Variants in SYN2 observed in about 807,000 individuals in gnomAD.
SYN2 encodes synapsin-2.
A neutral mutation model predicts 50.9 loss-of-function variants in SYN2; 19 were observed. That is an observed-to-expected ratio of 0.37 (90% CI 0.26 to 0.55). SYN2 has a LOEUF of 0.55. Among genes scored for constraint, SYN2 ranks in the 20% least tolerant of loss-of-function variants. The pLI, the probability that SYN2 is intolerant of heterozygous loss-of-function variation, is 0.81. For missense variants in SYN2, 587 were observed against 576.4 expected (o/e 1.02, Z -0.19); for synonymous variants, 255 against 224.9 (o/e 1.13, Z -1.20).
chr3:12,156,399 A>G (rs957749022), intron 5 of SYN2, among the ~76,000 whole-genome samples: 11 of 152,230 alleles, frequency 7.2e-5, no homozygotes, highest in African/African-American at 2.7e-4. Context: ...CCTGGGCCCA[A>G]GTTCACAGAG....
At chr3:12,144,495 G>A (rs1169054007) in intron 3 of SYN2, among the ~76,000 whole-genome samples, 1 of 152,176 alleles carries the variant, frequency 6.6e-6, no homozygotes, top group African/African-American at 2.4e-5. Flanking sequence ...AGTACTGTCT[G>A]TTGTCTTCAG....
At chr3:12,166,793 T>C (rs1697809433) in intron 7 of SYN2, among the ~76,000 whole-genome samples, 1 of 152,238 alleles carries the variant, frequency 6.6e-6, no homozygotes, top group Non-Finnish European at 1.5e-5. Context: ...CAAGTCAGTA[T>C]AGATACTGAA....
In SYN2 at chr3:12,004,754, C is replaced by T. The variant is rs1386795936; in HGVS notation, c.203C>T (p.Pro68Leu). Reference sequence around the variant, plus strand: ...CGGAGGCCGCCGCCCGCCTCGGCGCCCGCGCCGCAGCCCGCGCCGACGCCG... The same window carrying T: ...CGGAGGCCGCCGCCCGCCTCGGCGCTCGCGCCGCAGCCCGCGCCGACGCCG... ...PERRPPPASA[P>L]APQPAPTPSV... Residue 68 changes from proline (P) to leucine (L), a missense_variant, in exon 1 of 13, where the codon CCC becomes CTC. Transcript: ENST00000621198. 2 of 336,182 alleles carry T rather than the reference C, an allele frequency of 5.9e-6. No homozygotes were observed. Among genetic ancestry groups the T allele is most frequent in the Admixed American group, 9.8e-5 (2 of 20,336 alleles). 20.8% of individuals were successfully genotyped at this position (336,182 alleles called of 1,614,324 possible).
chr3:12,184,004 T>C (rs994093987), intron 11 of SYN2: 3 of 986,108 alleles, frequency 3.0e-6, no homozygotes, highest in Non-Finnish European at 3.6e-6. Flanking sequence ...CATAGCTTCA[T>C]CCACTGAATT....
At chr3:12,145,657 C>G in intron 3 of SYN2, 22 bp from the exon 4 acceptor site, 1 of 1,611,006 alleles carries the variant, frequency 6.2e-7, no homozygotes, top group Non-Finnish European at 8.5e-7. Flanking sequence ...TAATGGCAAA[C>G]CTGCCTCTAC....
chr3:12,088,537 T>C (rs1244945228), intron 1 of SYN2, among the ~76,000 whole-genome samples: 1 of 152,230 alleles, frequency 6.6e-6, no homozygotes, highest in East Asian at 1.9e-4. Context: ...GCTGTCCCAC[T>C]TCTGGATATA....
intron 1 of SYN2, among the ~76,000 whole-genome samples, chr3:12,088,756 A>G (rs79658324): frequency 0.082 from 12,505 of 152,242 alleles, 911 homozygotes; most frequent in East Asian, 0.19. Flanking sequence ...ATGAACCTGG[A>G]GGACGCTGTG....
At position 12,180,821 on chromosome 3, in the gene SYN2, A is replaced by G. The variant is rs187204435; in HGVS notation, c.1309-2491A>G. Among the ~76,000 whole-genome samples the G allele has an allele frequency of 1.4e-3, 219 of 152,314 alleles. 1 individual carries two copies. Among genetic ancestry groups the G allele is most frequent in the African/African-American group, 5.1e-3 (214 of 41,564 alleles). On this transcript the variant is annotated intron_variant, in intron 10 of 12. Coordinates refer to ENST00000621198, the MANE Select transcript of SYN2 (RefSeq NM_133625.6). ...TCATCCGTGGGTGTCTTACATGTAT[A>G]TTCCTATGGCTGAGGAAAGACAAGG...
At chr3:12,083,311 C>T (rs1162495885) in intron 1 of SYN2, among the ~76,000 whole-genome samples, 1 of 152,238 alleles carries the variant, frequency 6.6e-6, no homozygotes, top group Non-Finnish European at 1.5e-5. Context: ...TGCGCCCAGC[C>T]TGTTGTTTTT....
intron 1 of SYN2, among the ~76,000 whole-genome samples, chr3:12,108,642 T>G (rs1696250634): frequency 6.6e-6 from 1 of 152,192 alleles, no homozygotes; most frequent in African/African-American, 2.4e-5. Context: ...GTAAAGGCCT[T>G]TTAATTCTTT....
intron 1 of SYN2, among the ~76,000 whole-genome samples, chr3:12,048,806 G>A (rs900254127): frequency 2.6e-5 from 4 of 152,304 alleles, no homozygotes; most frequent in African/African-American, 9.6e-5. Context: ...GCAGTAAATG[G>A]TAGCTCGGGT....
intron 1 of SYN2, among the ~76,000 whole-genome samples, chr3:12,036,800 C>G (rs1159237472): frequency 6.6e-6 from 1 of 152,192 alleles, no homozygotes; most frequent in Non-Finnish European, 1.5e-5. Context: ...TATTCTTTGC[C>G]TTTCCAGGCT....
intron 1 of SYN2, among the ~76,000 whole-genome samples, chr3:12,097,255 ACTTGGAAC>A (rs1695953378): frequency 6.6e-6 from 1 of 152,174 alleles, no homozygotes; most frequent in Non-Finnish European, 1.5e-5. Context: ...AATAGCAAAG[ACTTGGAAC>A]CTTGGAACCA....
chr3:12,139,097 G>A (rs1055938603), intron 1 of SYN2, among the ~76,000 whole-genome samples: 2 of 152,178 alleles, frequency 1.3e-5, no homozygotes, highest in Non-Finnish European at 2.9e-5. Context: ...GGCAGAGGTG[G>A]GGGGTGGACT....
chr3:12,053,974 G>A (rs946423463), intron 1 of SYN2, among the ~76,000 whole-genome samples: 6 of 152,060 alleles, frequency 3.9e-5, no homozygotes, highest in Admixed American at 1.3e-4. Context: ...CATTAAATGC[G>A]AATCCTTTAC....
intron 1 of SYN2, among the ~76,000 whole-genome samples, chr3:12,117,757 C>T (rs1696464534): frequency 6.6e-6 from 1 of 152,168 alleles, no homozygotes; most frequent in Non-Finnish European, 1.5e-5. Flanking sequence ...CTGCTTTTGC[C>T]CTTCTGGGAA....
At chr3:12,049,380 T>C (rs936903628) in intron 1 of SYN2, among the ~76,000 whole-genome samples, 3 of 151,926 alleles carry the variant, frequency 2.0e-5, no homozygotes, top group African/African-American at 7.3e-5. Context: ...TAGCCTGGTG[T>C]GGTGACAAGT....
intron 1 of SYN2, among the ~76,000 whole-genome samples, chr3:12,006,250 C>G (rs1036759032): frequency 6.6e-6 from 1 of 152,092 alleles, no homozygotes; most frequent in Non-Finnish European, 1.5e-5. Context: ...TCTGAATAGT[C>G]CTTTGGGTGA....
intron 1 of SYN2, among the ~76,000 whole-genome samples, chr3:12,131,854 G>C (rs1696801990): frequency 6.6e-6 from 1 of 152,024 alleles, no homozygotes; most frequent in African/African-American, 2.4e-5. Flanking sequence ...GATCTCATCT[G>C]CCACATAAGG....
Sources: gnomAD v4.1 joint callset for allele counts (sites outside exome capture counted in the v4.1 genomes callset) on GRCh38, gnomAD v4.1.1 for gene constraint, MANE v1.5 for transcripts, NCBI Gene and HGNC (gene_info 2026-07-23, HGNC 2026-07-21) for gene names.